PRKG1: variants seen among roughly 807,000 people sequenced by gnomAD.
PRKG1 encodes the protein protein kinase cGMP-dependent 1, also known as cGMP-dependent protein kinase 1.
A neutral mutation model predicts 88.1 loss-of-function variants in PRKG1; 35 were observed. The observed-to-expected ratio is 0.40, with a 90% CI of 0.30 to 0.53. PRKG1 has a LOEUF of 0.53. Ranked by LOEUF, PRKG1 falls within the 20% of genes least tolerant of loss-of-function variation. The pLI is 0.59. For synonymous variants in PRKG1, 303 were observed against 292.5 expected, an observed-to-expected ratio of 1.04 and a Z score of -0.37; for missense variants, 540 against 839.8, an observed-to-expected ratio of 0.64 and a Z score of 4.41.
intron 7 of PRKG1, among the ~76,000 whole-genome samples, chr10:52,101,551 A>G (rs1847293733): frequency 6.6e-6 from 1 of 152,192 alleles, no homozygotes; most frequent in African/African-American, 2.4e-5. Context: ...CTTAATAACA[A>G]TAGTAATATA....
intron 8 of PRKG1, among the ~76,000 whole-genome samples, chr10:52,158,080 T>C (rs892376762): frequency 4.0e-5 from 6 of 151,788 alleles, no homozygotes; most frequent in Admixed American, 1.3e-4. Flanking sequence ...GTAACATGTC[T>C]TTAATTTCTT....
intron 3 of PRKG1, among the ~76,000 whole-genome samples, chr10:51,788,834 G>T (rs1838795484): frequency 6.6e-6 from 1 of 152,112 alleles, no homozygotes; most frequent in Admixed American, 6.6e-5. Flanking sequence ...AGTTACAGCA[G>T]GGGGCTAATA....
chr10:51,079,770 TC>T (rs1021728827), intron 1 of PRKG1, among the ~76,000 whole-genome samples: 26 of 152,170 alleles, frequency 1.7e-4, no homozygotes, highest in African/African-American at 5.8e-4. Flanking sequence ...AGTTCAGCTT[TC>T]TTACCCCCAC....
intron 17 of PRKG1, among the ~76,000 whole-genome samples, chr10:52,292,087 G>C (rs1191928825): frequency 5.3e-5 from 8 of 152,126 alleles, no homozygotes; most frequent in Non-Finnish European, 7.4e-5. Context: ...TCATGTCCTT[G>C]GCCCACTTTT....
intron 4 of PRKG1, among the ~76,000 whole-genome samples, chr10:51,867,951 T>C (rs1841056976): frequency 6.6e-6 from 1 of 152,224 alleles, no homozygotes; most frequent in Non-Finnish European, 1.5e-5. Flanking sequence ...TATCTTACCC[T>C]TGACTTCACG....
At chr10:52,164,786 G>T (rs538409320) in intron 9 of PRKG1, among the ~76,000 whole-genome samples, 3 of 152,082 alleles carry the variant, frequency 2.0e-5, no homozygotes, top group Non-Finnish European at 4.4e-5. Context: ...AATAAGAATT[G>T]TATACAGTTA....
intron 8 of PRKG1, among the ~76,000 whole-genome samples, chr10:52,155,544 A>G (rs1838068848): frequency 6.6e-6 from 1 of 152,056 alleles, no homozygotes; most frequent in Non-Finnish European, 1.5e-5. Flanking sequence ...GTTATAGTAT[A>G]AGCACAGACA....
intron 1 of PRKG1, among the ~76,000 whole-genome samples, chr10:50,994,852 T>C (rs1842821082): frequency 6.7e-6 from 1 of 149,488 alleles, no homozygotes. Flanking sequence ...GGACTAAACA[T>C]GTATAGCCTT....
At chr10:51,150,851 C>G (rs1480917281) in intron 1 of PRKG1, among the ~76,000 whole-genome samples, 1 of 151,970 alleles carries the variant, frequency 6.6e-6, no homozygotes, top group African/African-American at 2.4e-5. Flanking sequence ...ATTGTTTAAT[C>G]TTTTGCAATA....
intron 1 of PRKG1, among the ~76,000 whole-genome samples, chr10:51,137,959 G>A (rs542740272): frequency 6.6e-6 from 1 of 152,304 alleles, no homozygotes; most frequent in South Asian, 2.1e-4. Flanking sequence ...ATGTGACTGG[G>A]GATAATAATA....
intron 3 of PRKG1, among the ~76,000 whole-genome samples, chr10:51,576,259 A>G (rs1837882936): frequency 6.6e-6 from 1 of 151,940 alleles, no homozygotes; most frequent in Non-Finnish European, 1.5e-5. Flanking sequence ...CATACTTCGA[A>G]ACAGTTATGT....
intron 4 of PRKG1, among the ~76,000 whole-genome samples, chr10:51,815,415 G>T (rs1268431814): frequency 1.3e-5 from 2 of 152,124 alleles, no homozygotes; most frequent in Non-Finnish European, 2.9e-5. Flanking sequence ...AAATTAAGAA[G>T]GGTGGTCTTC....
At chr10:51,243,028 T>C (rs1473608066) in intron 2 of PRKG1, among the ~76,000 whole-genome samples, 1 of 152,146 alleles carries the variant, frequency 6.6e-6, no homozygotes, top group East Asian at 1.9e-4. Flanking sequence ...GGCATGCTTG[T>C]GAATAATAAG....
intron 1 of PRKG1, among the ~76,000 whole-genome samples, chr10:51,062,172 G>T (rs1270180755): frequency 2.0e-5 from 3 of 152,122 alleles, no homozygotes; most frequent in Non-Finnish European, 4.4e-5. Flanking sequence ...TATAAAGCAG[G>T]GTTTCAGTCT....
At chr10:51,366,961 G>A (rs536381673) in intron 2 of PRKG1, among the ~76,000 whole-genome samples, 1 of 151,902 alleles carries the variant, frequency 6.6e-6, no homozygotes, top group Admixed American at 6.6e-5. Context: ...TGTAATCCAG[G>A]TGTCTTGGGT....
chr10:51,227,653 G>A (rs1204361516), intron 2 of PRKG1, among the ~76,000 whole-genome samples: 3 of 152,108 alleles, frequency 2.0e-5, no homozygotes, highest in African/African-American at 4.8e-5. Flanking sequence ...AATTGCTCCC[G>A]GACCAGACTT....
At chr10:52,162,049 C>A (rs1347667891) in intron 9 of PRKG1, 86 bp downstream of exon 9, 3 of 1,142,060 alleles carry the variant, frequency 2.6e-6, no homozygotes, top group East Asian at 4.9e-5. Flanking sequence ...TGACACATCC[C>A]AACACTCTGA....
intron 2 of PRKG1, among the ~76,000 whole-genome samples, chr10:51,404,261 C>T (rs1223185457): frequency 6.6e-6 from 1 of 152,176 alleles, no homozygotes; most frequent in South Asian, 2.1e-4. Context: ...GAAAATCTTC[C>T]TTAACTTAGT....
chr10:52,060,538 A>C (rs1285380295), intron 6 of PRKG1, among the ~76,000 whole-genome samples: 1 of 151,896 alleles, frequency 6.6e-6, no homozygotes, highest in African/African-American at 2.4e-5. Context: ...ATATAATCAA[A>C]AGAAGCACAA....
Sources: allele counts gnomAD v4.1 joint callset (sites outside exome capture counted in the v4.1 genomes callset), GRCh38; gene constraint gnomAD v4.1.1; transcripts MANE v1.5; gene names NCBI Gene and HGNC (gene_info 2026-07-23, HGNC 2026-07-21).